Variants in FAM169A observed in about 807,000 individuals in gnomAD.
FAM169A encodes the protein soluble lamin-associated protein of 75 kDa.
In FAM169A, 24 loss-of-function variants were observed where a neutral mutation model predicts 75.7. The observed-to-expected ratio is 0.32, with a 90% CI of 0.23 to 0.45. The LOEUF (loss-of-function observed/expected upper bound fraction) is 0.45, where lower values mean the gene tolerates loss of function less well. Ranked by LOEUF, FAM169A falls within the 20% of genes least tolerant of loss-of-function variation. The pLI is 1.00. For synonymous variants in FAM169A, 271 were observed against 271.0 expected, an observed-to-expected ratio of 1.00 and a Z score of 0.00; for missense variants, 673 against 784.0, an observed-to-expected ratio of 0.86 and a Z score of 1.69.
At chr5:74,839,896 C>A (rs1748767232) in intron 3 of FAM169A, among the ~76,000 whole-genome samples, 178 bp downstream of exon 3, 1 of 151,922 alleles carries the variant, frequency 6.6e-6, no homozygotes, top group Non-Finnish European at 1.5e-5. Context: ...AGTGTGATAG[C>A]AGACATTCAT....
At position 74,799,948 on chromosome 5, in the gene FAM169A, T is replaced by C. The variant is rs372830213; in HGVS notation, c.1103+932A>G. On this transcript the variant is annotated intron_variant, in intron 10 of 12. Transcript: ENST00000687041. ...ACGACTGAGGGCTCCAACATGGCTT[T>C]GAAGATGCTGCGCCAGAATAGCATC... is the stretch of plus-strand genomic sequence containing the variant. 185 of 828,364 alleles carry C rather than the reference T, an allele frequency of 2.2e-4. No individual in the cohort carries two copies. The African/African-American group carries it at 2.8e-3, about 12-fold the overall frequency. The allele number at this position is 828,364 out of a possible 1,614,324, so 51.3% of individuals were successfully genotyped here. A position where few individuals can be genotyped will look rare whatever the true frequency, so the allele number is the denominator to read the frequency against.
At chr5:74,784,812 G>A (rs375272137) in intron 11 of FAM169A, among the ~76,000 whole-genome samples, 25 of 150,550 alleles carry the variant, frequency 1.7e-4, no homozygotes, top group African/African-American at 4.4e-4. Flanking sequence ...CCAGCTACTC[G>A]GGAGGCTGAG....
At chr5:74,800,767 CAATAT>C in intron 10 of FAM169A, 108 bp downstream of exon 10, 2 of 348,562 alleles carry the variant, frequency 5.7e-6, no homozygotes, top group Non-Finnish European at 8.9e-6. Flanking sequence ...GTATAATAAA[CAATAT>C]AAAATAGTAT....
chr5:74,840,198 T>C, intron 2 of FAM169A, 25 bp from the exon 3 acceptor site: 1 of 1,084,442 alleles, frequency 9.2e-7, no homozygotes. Flanking sequence ...TAATAAAGAT[T>C]AGTGAACAGT....
intron 1 of FAM169A, among the ~76,000 whole-genome samples, chr5:74,843,043 C>G (rs898894490): frequency 6.7e-6 from 1 of 149,306 alleles, no homozygotes; most frequent in Non-Finnish European, 1.5e-5. Context: ...ATACATACAA[C>G]GTAACAGTAA....
chr5:74,789,144 C>A (rs545508474), intron 11 of FAM169A, among the ~76,000 whole-genome samples: 3 of 152,322 alleles, frequency 2.0e-5, no homozygotes, highest in African/African-American at 7.2e-5. Flanking sequence ...TTCAAAGAGA[C>A]CTTGATCGCT....
chr5:74,777,940 C>T lies in FAM169A; in HGVS notation c.*3520G>A, dbSNP rs892223481. Reference sequence around the variant, plus strand: ...AGAAAGGCTAGTTCCTTGGAAATGACGATCCAGGATGATACAATCACTTGA... The same window carrying T: ...AGAAAGGCTAGTTCCTTGGAAATGATGATCCAGGATGATACAATCACTTGA... On this transcript the variant is annotated 3_prime_UTR_variant, in exon 13 of 13. Transcript: ENST00000687041. 6.6e-5 allele frequency: 10 copies of T among 151,952 alleles called. No homozygotes were observed. The highest frequency in any genetic ancestry group is 2.2e-4 in the African/African-American group (9 of 41,398). 9.4% of individuals were successfully genotyped at this position (151,952 alleles called of 1,614,324 possible). A position where few individuals can be genotyped will look rare whatever the true frequency, so the allele number is the denominator to read the frequency against.
chr5:74,814,066 T>C (rs1459711991), intron 5 of FAM169A, 47 bp from the exon 6 acceptor site: 1 of 1,400,388 alleles, frequency 7.1e-7, no homozygotes, highest in Non-Finnish European at 9.5e-7. Flanking sequence ...CATTAAAAAA[T>C]ATACATACAT....
chr5:74,818,769 A>G (rs1747604808), intron 5 of FAM169A, among the ~76,000 whole-genome samples: 1 of 128,238 alleles, frequency 7.8e-6, no homozygotes, highest in Admixed American at 7.9e-5. Flanking sequence ...ACGGTTTCAC[A>G]GCTCTCTCTC....
intron 1 of FAM169A, among the ~76,000 whole-genome samples, chr5:74,852,889 T>C (rs1580168476): frequency 6.6e-6 from 1 of 152,188 alleles, no homozygotes; most frequent in African/African-American, 2.4e-5. Flanking sequence ...ATAGGTTGGA[T>C]TGGTAGGAAG....
At chr5:74,819,691 G>A (rs553143914) in intron 5 of FAM169A, among the ~76,000 whole-genome samples, 1 of 152,152 alleles carries the variant, frequency 6.6e-6, no homozygotes, top group African/African-American at 2.4e-5. Flanking sequence ...CAAAACTGGT[G>A]TATCTATACA....
intron 4 of FAM169A, 150 bp from the exon 5 acceptor site, chr5:74,834,747 A>G: frequency 2.0e-6 from 1 of 491,036 alleles, no homozygotes; most frequent in Non-Finnish European, 3.5e-6. Context: ...TTTTATTACC[A>G]CAGAGATGAG....
intron 2 of FAM169A, 150 bp downstream of exon 2, chr5:74,841,395 C>T: frequency 1.8e-6 from 1 of 545,898 alleles, no homozygotes; most frequent in Non-Finnish European, 3.0e-6. Context: ...AACTGATCAA[C>T]CAATATTTAT....
chr5:74,837,605 T>C (rs1430317492), intron 4 of FAM169A, among the ~76,000 whole-genome samples: 1 of 152,162 alleles, frequency 6.6e-6, no homozygotes, highest in Non-Finnish European at 1.5e-5. Context: ...CCACTGCCCC[T>C]TTAAGCAAGC....
chr5:74,836,768 C>T (rs558429619), intron 4 of FAM169A, among the ~76,000 whole-genome samples: 11 of 152,020 alleles, frequency 7.2e-5, no homozygotes, highest in Admixed American at 6.6e-4. Context: ...GCCAACATGG[C>T]GAAACCGCAT....
At chr5:74,819,047 C>T (rs960155189) in intron 5 of FAM169A, among the ~76,000 whole-genome samples, 3 of 151,882 alleles carry the variant, frequency 2.0e-5, no homozygotes, top group East Asian at 1.9e-4. Context: ...TGGCAAAACC[C>T]GTCTCCACTA....
At chr5:74,845,048 A>G (rs780013140) in intron 1 of FAM169A, among the ~76,000 whole-genome samples, 4 of 152,212 alleles carry the variant, frequency 2.6e-5, no homozygotes, top group Admixed American at 6.5e-5. Context: ...ATTTTATCAC[A>G]AAAGTATCAG....
chr5:74,781,234 G>A lies in FAM169A; in HGVS notation c.*226C>T, dbSNP rs972311739. On this transcript the variant is annotated 3_prime_UTR_variant, in exon 13 of 13. Coordinates refer to ENST00000687041, the MANE Select transcript of FAM169A (RefSeq NM_001376049.1). ...ATCTGGTTTCCCAAAATTGAAACAT[G>A]GTTAATAAAAATAAAAAATTGCATT... The A allele has an allele frequency of 2.3e-5, 11 of 477,844 alleles. No homozygotes were observed. The highest frequency in any genetic ancestry group is 2.1e-4 in the African/African-American group (11 of 51,584). 29.6% of individuals were successfully genotyped at this position (477,844 alleles called of 1,614,324 possible).
At chr5:74,861,508 G>C (rs1161478880) in intron 1 of FAM169A, among the ~76,000 whole-genome samples, 2 of 152,168 alleles carry the variant, frequency 1.3e-5, no homozygotes, top group East Asian at 1.9e-4. Context: ...CAGATCGCTT[G>C]AAGTCAGGAG....
Sources: gnomAD v4.1 joint callset for allele counts (sites outside exome capture counted in the v4.1 genomes callset) on GRCh38, gnomAD v4.1.1 for gene constraint, MANE v1.5 for transcripts, NCBI Gene and HGNC (gene_info 2026-07-23, HGNC 2026-07-21) for gene names.